The following CCDC125 variants were observed in gnomAD, a reference collection of about 807,000 sequenced individuals.
CCDC125 encodes coiled-coil domain containing 125.
CCDC125 carries 43 observed loss-of-function variants against 57.4 expected under a neutral mutation model. The ratio of observed to expected loss-of-function variants is 0.75; its 90% CI spans 0.59 to 0.97. The LOEUF (loss-of-function observed/expected upper bound fraction) is 0.97, where lower values mean the gene tolerates loss of function less well. CCDC125 is among the 50% of genes least tolerant of loss of function. CCDC125 has a pLI of 0.00. For synonymous variants in CCDC125, 187 were observed against 195.2 expected, an observed-to-expected ratio of 0.96 and a Z score of 0.35; for missense variants, 563 against 595.7, an observed-to-expected ratio of 0.95 and a Z score of 0.57.
In CCDC125 at chr5:69,281,646, T is replaced by C. The variant is rs1752485565; in HGVS notation, c.*1083A>G. ...GAAGTTAACTTAAGGAAATTGTTATTTCTAAACTTCATATGGTAAATGAAA... is the reference window on the plus strand; with the variant it reads ...GAAGTTAACTTAAGGAAATTGTTATCTCTAAACTTCATATGGTAAATGAAA... On this transcript the variant is annotated 3_prime_UTR_variant, in exon 12 of 12. Transcript: ENST00000396496. The C allele has an allele frequency of 6.6e-6, 1 of 152,152 alleles. No individual in the cohort carries two copies. Among genetic ancestry groups the C allele is most frequent in the Non-Finnish European group, 1.5e-5 (1 of 68,040 alleles). 9.4% of individuals were successfully genotyped at this position (152,152 alleles called of 1,614,324 possible). A position where few individuals can be genotyped will look rare whatever the true frequency, so the allele number is the denominator to read the frequency against.
chr5:69,294,969 G>A (rs544882456), intron 8 of CCDC125, 69 bp from the exon 9 acceptor site: 3 of 1,317,860 alleles, frequency 2.3e-6, no homozygotes, highest in African/African-American at 2.9e-5. Context: ...AAACACAGGG[G>A]CATTTACACA....
At chr5:69,292,847 T>C (rs1044860276) in intron 9 of CCDC125, among the ~76,000 whole-genome samples, 21 of 151,982 alleles carry the variant, frequency 1.4e-4, no homozygotes, top group African/African-American at 4.8e-4. Flanking sequence ...CTTCTTCTTT[T>C]TTTTTTTTCT....
chr5:69,320,911 T>G (rs1759927868), intron 1 of CCDC125, among the ~76,000 whole-genome samples: 1 of 152,064 alleles, frequency 6.6e-6, no homozygotes, highest in Non-Finnish European at 1.5e-5. Flanking sequence ...TTATGCTAAG[T>G]GTAATACGCC....
intron 7 of CCDC125, among the ~76,000 whole-genome samples, chr5:69,303,523 T>A (rs1756857696): frequency 6.6e-6 from 1 of 151,632 alleles, no homozygotes; most frequent in Non-Finnish European, 1.5e-5. Flanking sequence ...CACCACCATG[T>A]CTCGCTAATT....
At chr5:69,290,374 C>T (rs538012174) in intron 10 of CCDC125, among the ~76,000 whole-genome samples, 2 of 151,426 alleles carry the variant, frequency 1.3e-5, no homozygotes, top group East Asian at 3.9e-4. Context: ...GCAATCTTGG[C>T]TCACTGCAAC....
At chr5:69,278,741 C>T (rs1440314223), downstream of CCDC125, among the ~76,000 whole-genome samples, 6 of 125,690 alleles carry the variant, frequency 4.8e-5, no homozygotes, top group African/African-American at 3.0e-5. Context: ...GTCTCTGTTG[C>T]CCAGGTTGGA....
intron 9 of CCDC125, among the ~76,000 whole-genome samples, chr5:69,293,132 G>A (rs975737892): frequency 1.3e-5 from 2 of 148,908 alleles, no homozygotes; most frequent in South Asian, 2.1e-4. Flanking sequence ...GAGCCACTGC[G>A]CCCGGTCTTT....
rs1007149031 is a variant in CCDC125, at chr5:69,320,339, C to T, written c.202G>A (p.Glu68Lys). The change falls in exon 2 of 12, where the codon GAA (glutamate) becomes AAA (lysine). Residue 68 changes from glutamate to lysine, a missense_variant. By Grantham distance (56) the Glu-to-Lys change is moderately conservative (BLOSUM62 1). Transcript: ENST00000396496. ...SPPPFPRKGE[E>K]RNEASFQYSK... ...TACTGAAAACTCGCTTCATTTCTTT[C>T]TTCTCCCTTTCTCGGAAATGGAGGA... 6 of 1,613,970 alleles carry T rather than the reference C, an allele frequency of 3.7e-6. No homozygotes were observed. The African/African-American group carries it at 8.0e-5, about 22-fold the overall frequency.
chr5:69,331,832 G>A (rs1407850376), intron 1 of CCDC125, among the ~76,000 whole-genome samples: 1 of 152,230 alleles, frequency 6.6e-6, no homozygotes, highest in Non-Finnish European at 1.5e-5. Context: ...CCTTGGACCA[G>A]ATGTGATTTC....
chr5:69,302,357 G>A (rs1414797741), intron 7 of CCDC125, among the ~76,000 whole-genome samples: 3 of 123,398 alleles, frequency 2.4e-5, no homozygotes, highest in African/African-American at 6.0e-5. Flanking sequence ...GGAGGTGGAG[G>A]TTGCAGTAAG....
chr5:69,274,382 C>A, the CCDC125 span, among the ~76,000 whole-genome samples: 2 of 152,156 alleles, frequency 1.3e-5, no homozygotes, highest in African/African-American at 4.8e-5. Flanking sequence ...CACCTGTAAT[C>A]CCAGCACTTT....
chr5:69,276,263 A>G (rs779099142), downstream of CCDC125, among the ~76,000 whole-genome samples: 9 of 152,134 alleles, frequency 5.9e-5, no homozygotes, highest in Non-Finnish European at 8.8e-5. Context: ...TTCTGACCTC[A>G]TGTGATCCAC....
intron 11 of CCDC125, 55 bp from the exon 12 acceptor site, chr5:69,283,089 T>C: frequency 1.5e-6 from 2 of 1,371,196 alleles, no homozygotes; most frequent in Non-Finnish European, 2.0e-6. Context: ...ACAGAATATA[T>C]TCAGAGAAAG....
Position 69,281,665 on chromosome 5 carries a change from A to G in CCDC125, c.*1064T>C, listed in dbSNP as rs2150261172. 6.6e-6 allele frequency: 1 copy of G among 152,300 alleles called. No homozygotes were observed. Among genetic ancestry groups the G allele is most frequent in the South Asian group, 2.1e-4 (1 of 4,822 alleles). 9.4% of individuals were successfully genotyped at this position (152,300 alleles called of 1,614,324 possible). ...TGTTATTTCTAAACTTCATATGGTAAATGAAAAATACTGAACAAGGCAAAT... is the reference window on the plus strand; with the variant it reads ...TGTTATTTCTAAACTTCATATGGTAGATGAAAAATACTGAACAAGGCAAAT... On this transcript the variant is annotated 3_prime_UTR_variant, in exon 12 of 12. Coordinates refer to ENST00000396496, the MANE Select transcript of CCDC125 (RefSeq NM_176816.5).
At chr5:69,319,223 C>T (rs192996520) in intron 2 of CCDC125, among the ~76,000 whole-genome samples, 1 of 152,192 alleles carries the variant, frequency 6.6e-6, no homozygotes, top group Non-Finnish European at 1.5e-5. Context: ...CCACTGTACC[C>T]GGCCTGCAGG....
chr5:69,304,372 T>G (rs1206127174), intron 6 of CCDC125, among the ~76,000 whole-genome samples: 2 of 151,894 alleles, frequency 1.3e-5, no homozygotes, highest in Admixed American at 1.3e-4. Flanking sequence ...CCCAAAGTGC[T>G]GGGATTACAG....
chr5:69,301,869 C>T (rs1756507880), intron 7 of CCDC125, among the ~76,000 whole-genome samples: 1 of 151,352 alleles, frequency 6.6e-6, no homozygotes, highest in Non-Finnish European at 1.5e-5. Flanking sequence ...TGCACTCCAG[C>T]CTGGGCGACA....
intron 3 of CCDC125, chr5:69,313,248 G>T: frequency 1.9e-6 from 1 of 528,690 alleles, no homozygotes; most frequent in Non-Finnish European, 3.5e-6. Context: ...TGGGGTGAAG[G>T]GATTGCCCTT....
chr5:69,294,739 T>C, intron 9 of CCDC125, 54 bp downstream of exon 9: 1 of 1,253,446 alleles, frequency 8.0e-7, no homozygotes, highest in Non-Finnish European at 1.1e-6. Flanking sequence ...CCATTTATTC[T>C]ACTATTAACA....
Sources: allele counts gnomAD v4.1 joint callset (sites outside exome capture counted in the v4.1 genomes callset), GRCh38; gene constraint gnomAD v4.1.1; transcripts MANE v1.5; gene names NCBI Gene and HGNC (gene_info 2026-07-23, HGNC 2026-07-21).